TNPO2: variants seen among roughly 807,000 people sequenced by gnomAD.
TNPO2 encodes the protein transportin-2.
A neutral mutation model predicts 111.1 loss-of-function variants in TNPO2; 16 were observed. That is an observed-to-expected ratio of 0.14 (90% CI 0.10 to 0.22). TNPO2 has a LOEUF of 0.22. TNPO2 is among the 10% of genes least tolerant of loss of function. The probability of loss-of-function intolerance (pLI) is 1.00; values close to 1 mark genes in which losing one functional copy is unlikely to be tolerated. For synonymous variants in TNPO2, 481 were observed against 475.8 expected, an observed-to-expected ratio of 1.01 and a Z score of -0.14; for missense variants, 530 against 1,173.7, an observed-to-expected ratio of 0.45 and a Z score of 8.01.
Position 12,721,598 on chromosome 19 carries a change from G to A in TNPO2, c.-13-608C>T, listed in dbSNP as rs1432287757. On this transcript the variant is annotated intron_variant, in intron 2 of 25. Transcript: ENST00000425528. This position sits in a 1 kb window ranked among gnomAD's most constrained non-coding sequence, Gnocchi z 4.9. ...TTCCTGCCCTTCAAGCTCAGTGGAT[G>A]CCAGATATCCCCCTCTGTGGCCTAG... 20 of 279,686 alleles carry A rather than the reference G, an allele frequency of 7.2e-5. No homozygotes were observed. The highest frequency in any genetic ancestry group is 7.0e-6 in the Non-Finnish European group (1 of 142,046). The allele number at this position is 279,686 out of a possible 1,614,324, so 17.3% of individuals were successfully genotyped here.
At chr19:12,710,910 T>C (rs2025999867) in intron 12 of TNPO2, 137 bp from the exon 13 acceptor site, 1 of 1,034,718 alleles carries the variant, frequency 9.7e-7, no homozygotes, top group Non-Finnish European at 1.3e-6. Flanking sequence ...TTTTGTTTTT[T>C]TGAGACGGAG....
intron 2 of TNPO2, chr19:12,722,186 C>A (rs1401889147): frequency 6.6e-6 from 1 of 151,880 alleles, no homozygotes; most frequent in African/African-American, 2.4e-5. Flanking sequence ...CAGACGCTTC[C>A]CCCAATCAGA....
intron 3 of TNPO2, among the ~76,000 whole-genome samples, chr19:12,720,247 G>A (rs2026605275): frequency 6.6e-6 from 1 of 152,084 alleles, no homozygotes; most frequent in Non-Finnish European, 1.5e-5. Context: ...CAAAACTCCT[G>A]ACCTCAGGTG....
In TNPO2 at chr19:12,715,969, A is replaced by G. The variant is rs1489146497; in HGVS notation, c.326-230T>C. 6.6e-6 allele frequency among the ~76,000 whole-genome samples: 1 copy of G among 152,076 alleles called. No individual in the cohort carries two copies. Among genetic ancestry groups the G allele is most frequent in the East Asian group, 1.9e-4 (1 of 5,158 alleles). On this transcript the variant is annotated intron_variant, in intron 5 of 25. Coordinates refer to ENST00000425528, the MANE Select transcript of TNPO2 (RefSeq NM_001382241.1). The surrounding 1 kb of genome is among the most constrained non-coding windows in gnomAD (Gnocchi z 7.1). Reference sequence around the variant, plus strand: ...ACAGCAGCCTCAAACTCCTGGCCTCAAGCCATCTTCCTGCCTCAGCCTCCT... The same window carrying G: ...ACAGCAGCCTCAAACTCCTGGCCTCGAGCCATCTTCCTGCCTCAGCCTCCT...
intron 10 of TNPO2, among the ~76,000 whole-genome samples, chr19:12,714,480 T>G (rs2145575276): frequency 6.6e-6 from 1 of 152,030 alleles, no homozygotes; most frequent in East Asian, 1.9e-4. Flanking sequence ...GCCCAGCTAT[T>G]TTTTTATATT....
intron 13 of TNPO2, among the ~76,000 whole-genome samples, chr19:12,709,586 C>T (rs2025917125): frequency 1.3e-5 from 2 of 151,834 alleles, no homozygotes; most frequent in South Asian, 2.1e-4. Flanking sequence ...CTCACCTCAG[C>T]CTCCCAGTTA....
In TNPO2 at chr19:12,702,713, A is replaced by C; in HGVS notation, c.2305+110T>G. 1.0e-6 allele frequency: 1 copy of C among 989,142 alleles called. No homozygotes were observed. The highest frequency in any genetic ancestry group is 1.6e-6 in the Non-Finnish European group (1 of 636,780). 61.3% of individuals were successfully genotyped at this position (989,142 alleles called of 1,614,324 possible). ...AGTGACCCCTTCCAGGTACTTCCAG[A>C]CACCCTCCTTGGTTCCTTGACAAGG... is the stretch of plus-strand genomic sequence containing the variant. On this transcript the variant is annotated intron_variant, in intron 21 of 25. Coordinates refer to ENST00000425528, the MANE Select transcript of TNPO2 (RefSeq NM_001382241.1). The surrounding 1 kb of genome is among the most constrained non-coding windows in gnomAD (Gnocchi z 5.5).
chr19:12,719,000 C>T, intron 5 of TNPO2, 29 bp downstream of exon 5: 1 of 1,611,214 alleles, frequency 6.2e-7, no homozygotes, highest in South Asian at 1.1e-5. Flanking sequence ...AGTGTGTCCT[C>T]AGAGGCCAAC....
chr19:12,705,173 T>C lies in TNPO2; in HGVS notation c.2022+67A>G. On this transcript the variant is annotated intron_variant, in intron 18 of 25. Transcript: ENST00000425528. This position sits in a 1 kb window ranked among gnomAD's most constrained non-coding sequence, Gnocchi z 7.2. The stretch of plus-strand genomic sequence containing the variant: ...ATTTCCTTTGGGCACAACCAGGCCC[T>C]GACTCCCCACCAGGGGCAGCCCACG... 1 of 1,501,186 alleles carries C rather than the reference T, an allele frequency of 6.7e-7. No individual in the cohort carries two copies. Among genetic ancestry groups the C allele is most frequent in the Non-Finnish European group, 9.1e-7 (1 of 1,104,188 alleles). 93.0% of individuals were successfully genotyped at this position (1,501,186 alleles called of 1,614,324 possible).
chr19:12,705,689 AG>A lies in TNPO2; in HGVS notation c.1747del (p.Leu583CysfsTer39). ...LKDEDKDLFP[L>X]LECLSSVATA... ...GGGCAGGAGCCCACTCACCTCCAGC[AG>A]GGGGAAGAGGTCCTTGTCTTCGTCC... On this transcript the variant is annotated frameshift_variant, in exon 16 of 26. Coordinates refer to ENST00000425528, the MANE Select transcript of TNPO2 (RefSeq NM_001382241.1). LOFTEE classifies it high-confidence loss of function. This position sits in a 1 kb window ranked among gnomAD's most constrained non-coding sequence, Gnocchi z 7.2. 6.5e-7 allele frequency: 1 copy of A among 1,526,840 alleles called. No individual in the cohort carries two copies. 94.6% of individuals were successfully genotyped at this position (1,526,840 alleles called of 1,614,324 possible).
intron 5 of TNPO2, 102 bp downstream of exon 5, chr19:12,718,927 C>A: frequency 6.9e-7 from 1 of 1,453,660 alleles, no homozygotes; most frequent in South Asian, 1.3e-5. Context: ...AATAGTACTA[C>A]CATAGAGGGT....
In TNPO2 at chr19:12,705,736, G is replaced by T; in HGVS notation, c.1701C>A (p.Ile567=). Residue 567 remains isoleucine, a synonymous_variant, in exon 16 of 26, where the codon ATC becomes ATA. Coordinates refer to ENST00000425528, the MANE Select transcript of TNPO2 (RefSeq NM_001382241.1). This position sits in a 1 kb window ranked among gnomAD's most constrained non-coding sequence, Gnocchi z 7.2. ...EYIQKLMPPL[I]QKWNELKDED... ...CGTCCTTGAGCTCATTCCACTTCTG[G>T]ATCAGTGGGGGCATCAGCTTCTGGA... 1.4e-6 allele frequency: 2 copies of T among 1,476,178 alleles called. No homozygotes were observed. The highest frequency in any genetic ancestry group is 1.4e-5 in the South Asian group (1 of 71,172). 91.4% of individuals were successfully genotyped at this position (1,476,178 alleles called of 1,614,324 possible).
Position 12,701,054 on chromosome 19 carries a change from A to G in TNPO2, c.*210T>C. ...TCCCCCCCACCTCCCCGTTTGTAGG[A>G]TGAGCATGGTGGCCCCACCCACCTG... On this transcript the variant is annotated 3_prime_UTR_variant, in exon 26 of 26. Coordinates refer to ENST00000425528, the MANE Select transcript of TNPO2 (RefSeq NM_001382241.1). This position sits in a 1 kb window ranked among gnomAD's most constrained non-coding sequence, Gnocchi z 5.0. 9.1e-6 allele frequency: 3 copies of G among 330,956 alleles called. No homozygotes were observed. The highest frequency in any genetic ancestry group is 1.1e-5 in the Non-Finnish European group (2 of 179,028). The allele number at this position is 330,956 out of a possible 1,614,324, so 20.5% of individuals were successfully genotyped here. A position where few individuals can be genotyped will look rare whatever the true frequency, so the allele number is the denominator to read the frequency against.
In TNPO2 at chr19:12,701,067, C is replaced by T. The variant is rs988102138; in HGVS notation, c.*197G>A. The T allele has an allele frequency of 9.3e-5, 36 of 387,376 alleles. No homozygotes were observed. Among genetic ancestry groups the T allele is most frequent in the African/African-American group, 6.8e-4 (33 of 48,592 alleles). 24.0% of individuals were successfully genotyped at this position (387,376 alleles called of 1,614,324 possible). A position where few individuals can be genotyped will look rare whatever the true frequency, so the allele number is the denominator to read the frequency against. ...CCCGTTTGTAGGATGAGCATGGTGG[C>T]CCCACCCACCTGCCAGGAGGGCAAG... On this transcript the variant is annotated 3_prime_UTR_variant, in exon 26 of 26. Coordinates refer to ENST00000425528, the MANE Select transcript of TNPO2 (RefSeq NM_001382241.1). This position sits in a 1 kb window ranked among gnomAD's most constrained non-coding sequence, Gnocchi z 5.0.
At position 12,721,214 on chromosome 19, in the gene TNPO2, G is replaced by C. The variant is rs745790652; in HGVS notation, c.-13-224C>G. The C allele has an allele frequency of 4.4e-6, 6 of 1,361,466 alleles. No homozygotes were observed. The highest frequency in any genetic ancestry group is 7.0e-5 in the Admixed American group (2 of 28,542). 84.3% of individuals were successfully genotyped at this position (1,361,466 alleles called of 1,614,324 possible). ...AGCGCGGGAGGGGGGATGTGGAAAC[G>C]GGCCACAGGCGGCGGCGGCGGGGCC... On this transcript the variant is annotated intron_variant, in intron 2 of 25. Transcript: ENST00000425528. The surrounding 1 kb of genome is among the most constrained non-coding windows in gnomAD (Gnocchi z 4.9).
In TNPO2 at chr19:12,700,407, G is replaced by C. The variant is rs2025220160; in HGVS notation, c.*857C>G. ...TCTTCAGGAAAAAGGTCCCAACCCA[G>C]TGTCTTCAAAAGCCACTGGAGCACA... On this transcript the variant is annotated 3_prime_UTR_variant, in exon 26 of 26. Coordinates refer to ENST00000425528, the MANE Select transcript of TNPO2 (RefSeq NM_001382241.1). 1 of 152,248 alleles carries C rather than the reference G, an allele frequency of 6.6e-6. No individual in the cohort carries two copies. The highest frequency in any genetic ancestry group is 1.5e-5 in the Non-Finnish European group (1 of 68,098). The allele number at this position is 152,248 out of a possible 1,614,324, so 9.4% of individuals were successfully genotyped here. A position where few individuals can be genotyped will look rare whatever the true frequency, so the allele number is the denominator to read the frequency against.
intron 2 of TNPO2, 127 bp downstream of exon 2, chr19:12,723,122 A>G (rs1169639018): frequency 6.6e-6 from 1 of 152,204 alleles, no homozygotes; most frequent in East Asian, 1.9e-4. Context: ...CACTTTTTGC[A>G]TTATTTTCCA....
At chr19:12,712,804 C>T (rs1035847181) in intron 10 of TNPO2, among the ~76,000 whole-genome samples, 3 of 152,276 alleles carry the variant, frequency 2.0e-5, no homozygotes, top group Admixed American at 6.5e-5. Context: ...AGTGGTCCCC[C>T]GGGCCCAGCT....
rs1244770418 is a variant in TNPO2, at chr19:12,710,671, T to A, written c.1220A>T (p.Glu407Val). Residue 407 changes from glutamate to valine, a missense_variant, in exon 13 of 26, where the codon GAG (glutamate) becomes GTG (valine). Glu to Val is a moderately radical substitution (Grantham distance 121, BLOSUM62 -2). Coordinates refer to ENST00000425528, the MANE Select transcript of TNPO2 (RefSeq NM_001382241.1). ...GATGCCCGACTCCTTGACCACCCAC[T>A]CGGGGTGGAAGAGGAGGCCTTTGAG... Reference protein sequence around the residue: ...PLLKGLLFHPEWVVKESGILV... With the variant: ...PLLKGLLFHPVWVVKESGILV... The A allele has an allele frequency of 6.2e-7, 1 of 1,613,366 alleles. No individual in the cohort carries two copies.
Sources: gnomAD v4.1 joint callset for allele counts (sites outside exome capture counted in the v4.1 genomes callset) on GRCh38, gnomAD v4.1.1 for gene constraint, Gnocchi (gnomAD v3.1) non-coding constraint, MANE v1.5 for transcripts, NCBI Gene and HGNC (gene_info 2026-07-23, HGNC 2026-07-21) for gene names.